Variants in MALT1 observed in about 807,000 individuals in gnomAD.
MALT1 encodes MALT1 paracaspase.
MALT1 carries 36 observed loss-of-function variants against 85.5 expected under a neutral mutation model. That is an observed-to-expected ratio of 0.42 (90% CI 0.32 to 0.56). The LOEUF is 0.56. MALT1 is among the 20% of genes least tolerant of loss of function. MALT1 has a pLI of 0.10. For synonymous variants in MALT1, 359 were observed against 361.3 expected (o/e 0.99, Z 0.07); for missense variants, 716 against 981.6 (o/e 0.73, Z 3.62).
intron 2 of MALT1, among the ~76,000 whole-genome samples, chr18:58,694,467 A>C (rs1370969278): frequency 6.6e-6 from 1 of 152,224 alleles, no homozygotes; most frequent in Non-Finnish European, 1.5e-5. Flanking sequence ...ATGAGGTCAC[A>C]TTCAGTATAG....
intron 9 of MALT1, among the ~76,000 whole-genome samples, chr18:58,722,330 A>G (rs1346704235): frequency 6.6e-6 from 1 of 152,126 alleles, no homozygotes; most frequent in African/African-American, 2.4e-5. Context: ...CTTATGAACA[A>G]AAAAACTGTT....
intron 13 of MALT1, 160 bp from the exon 14 acceptor site, chr18:58,741,705 C>A: frequency 2.3e-6 from 1 of 435,510 alleles, no homozygotes; most frequent in Non-Finnish European, 4.0e-6. Context: ...TAAAACATGC[C>A]TGATATGTCT....
intron 13 of MALT1, among the ~76,000 whole-genome samples, chr18:58,738,107 C>A (rs1276185306): frequency 6.6e-6 from 1 of 152,156 alleles, no homozygotes; most frequent in African/African-American, 2.4e-5. Flanking sequence ...TAGGACCCCT[C>A]TTCTCCCTTC....
In MALT1 at chr18:58,751,228, C is replaced by G. The variant is rs2055441849; in HGVS notation, c.*3386C>G. The G allele has an allele frequency of 6.6e-6, 1 of 152,270 alleles. No individual in the cohort carries two copies. The allele number at this position is 152,270 out of a possible 1,614,324, so 9.4% of individuals were successfully genotyped here. A position where few individuals can be genotyped will look rare whatever the true frequency, so the allele number is the denominator to read the frequency against. On this transcript the variant is annotated 3_prime_UTR_variant, in exon 17 of 17. Transcript: ENST00000649217. ...TTGGGAGGCCAATGAAGGCGGATCACTTGAGCCCAGGAGTTCAAGACCAGC... is the reference window on the plus strand; with the variant it reads ...TTGGGAGGCCAATGAAGGCGGATCAGTTGAGCCCAGGAGTTCAAGACCAGC...
intron 10 of MALT1, among the ~76,000 whole-genome samples, chr18:58,727,613 T>C (rs1314210996): frequency 6.9e-6 from 1 of 144,536 alleles, no homozygotes; most frequent in African/African-American, 2.6e-5. Context: ...AAAGGTTTTT[T>C]GTGTTTTTTT....
intron 10 of MALT1, among the ~76,000 whole-genome samples, chr18:58,730,616 C>T (rs971812786): frequency 2.0e-5 from 3 of 152,088 alleles, no homozygotes; most frequent in Non-Finnish European, 2.9e-5. Flanking sequence ...CTTGTGTGGA[C>T]GTAGTTTCCA....
intron 2 of MALT1, chr18:58,690,704 G>T (rs2054485279): frequency 1.5e-5 from 3 of 199,236 alleles, no homozygotes; most frequent in South Asian, 2.3e-4. Context: ...ACCATACAAA[G>T]ACCAGGCCTG....
At position 58,747,588 on chromosome 18, in the gene MALT1, G is replaced by A. The variant is rs1190727253; in HGVS notation, c.2221G>A (p.Ala741Thr). 2 of 1,614,150 alleles carry A rather than the reference G, an allele frequency of 1.2e-6. No individual in the cohort carries two copies. Among genetic ancestry groups the A allele is most frequent in the Non-Finnish European group, 1.7e-6 (2 of 1,180,034 alleles). The change falls in exon 17 of 17, where the codon GCA becomes ACA. Residue 741 changes from alanine (A) to threonine (T), a missense_variant. Transcript: ENST00000649217. ...LMSNGPYQSS[A>T]ATSGGAGHYH... ...GTCTAATGGTCCTTACCAGAGTTCT[G>A]CAGCCACCTCAGGAGGAGCAGGGCA...
rs1166430391 is a variant in MALT1, at chr18:58,747,783, G to C, written c.2416G>C (p.Glu806Gln). 3 of 1,614,102 alleles carry C rather than the reference G, an allele frequency of 1.9e-6. No homozygotes were observed. Among genetic ancestry groups the C allele is most frequent in the African/African-American group, 1.3e-5 (1 of 75,040 alleles). ...CHFSRSNVPV[E>Q]TTDEIPFSFS... is the part of the protein sequence containing the mutation. ...TTTTAGTAGAAGTAATGTGCCAGTAGAGACAACTGATGAAATACCATTTAG... is the reference window on the plus strand; with the variant it reads ...TTTTAGTAGAAGTAATGTGCCAGTACAGACAACTGATGAAATACCATTTAG... The change falls in exon 17 of 17, where the codon GAG (glutamate) becomes CAG (glutamine). Residue 806 changes from glutamate (E) to glutamine (Q), a missense_variant. Glu to Gln is a conservative substitution (Grantham distance 29, BLOSUM62 2). This residue lies in a region of MALT1 where 260 missense variants were observed against 323.7 expected (regional missense o/e 0.80). Transcript: ENST00000649217.
chr18:58,700,689 CAT>C, intron 4 of MALT1, 98 bp downstream of exon 4: 4 of 1,128,044 alleles, frequency 3.5e-6, no homozygotes, highest in Middle Eastern at 6.2e-4. Context: ...TATCAAAAAA[CAT>C]AGCAAAATTT....
At chr18:58,705,322 G>GTGTA (rs1555685559) in intron 4 of MALT1, among the ~76,000 whole-genome samples, 6,567 of 148,060 alleles carry the variant, frequency 0.044, 158 homozygotes, top group East Asian at 0.058. Context: ...GTGTGTGTGT[G>GTGTA]TATTTATTTT....
At chr18:58,736,561 AT>A (rs2055224134) in intron 13 of MALT1, among the ~76,000 whole-genome samples, 1 of 152,218 alleles carries the variant, frequency 6.6e-6, no homozygotes, top group Non-Finnish European at 1.5e-5. Flanking sequence ...TTTTAAGTCC[AT>A]TTTAACTATT....
chr18:58,685,673 TC>T (rs2054391145), intron 2 of MALT1, among the ~76,000 whole-genome samples: 1 of 152,346 alleles, frequency 6.6e-6, no homozygotes, highest in South Asian at 2.1e-4. Flanking sequence ...TCTGTTGCTT[TC>T]TTTCTTGTCG....
intron 1 of MALT1, among the ~76,000 whole-genome samples, chr18:58,680,815 C>T (rs562452171): frequency 3.3e-5 from 5 of 149,742 alleles, no homozygotes; most frequent in South Asian, 2.1e-4. Flanking sequence ...CCCAGCTACT[C>T]GGGAGGCTGA....
Position 58,671,618 on chromosome 18 carries a change from G to A in MALT1, c.-26G>A. The A allele has an allele frequency of 8.3e-7, 1 of 1,208,350 alleles. No homozygotes were observed. The highest frequency in any genetic ancestry group is 1.0e-6 in the Non-Finnish European group (1 of 971,986). The allele number at this position is 1,208,350 out of a possible 1,614,324, so 74.9% of individuals were successfully genotyped here. On this transcript the variant is annotated 5_prime_UTR_variant, in exon 1 of 17. Coordinates refer to ENST00000649217, the MANE Select transcript of MALT1 (RefSeq NM_006785.4). ...CGTGACGGGGCGGGCGGGAGCCCCG[G>A]CAGTCCGGGGTCGCCGGCGAGGGCC...
intron 2 of MALT1, among the ~76,000 whole-genome samples, chr18:58,686,154 G>A (rs950726054): frequency 3.9e-5 from 6 of 152,142 alleles, no homozygotes; most frequent in Non-Finnish European, 7.4e-5. Context: ...AGTCTCCTGA[G>A]TAGCTGGGAT....
chr18:58,708,417 T>TC (rs1043415851), intron 4 of MALT1, among the ~76,000 whole-genome samples: 4 of 152,206 alleles, frequency 2.6e-5, no homozygotes, highest in African/African-American at 9.6e-5. Flanking sequence ...AACCTTTCTG[T>TC]CCTAGGCAAA....
intron 10 of MALT1, 50 bp from the exon 11 acceptor site, chr18:58,733,347 A>G (rs759884908): frequency 8.3e-7 from 1 of 1,208,220 alleles, no homozygotes; most frequent in South Asian, 1.4e-5. Flanking sequence ...GTATGTTCAG[A>G]GTGCATTTAG....
intron 4 of MALT1, among the ~76,000 whole-genome samples, chr18:58,706,103 A>C (rs949908144): frequency 2.6e-5 from 4 of 152,090 alleles, no homozygotes; most frequent in Admixed American, 1.3e-4. Flanking sequence ...CTCCTGCCTC[A>C]GGCTCCCGAG....
Sources: allele counts gnomAD v4.1 joint callset (sites outside exome capture counted in the v4.1 genomes callset), GRCh38; gene constraint gnomAD v4.1.1; regional missense constraint gnomAD v4.1.1; transcripts MANE v1.5; gene names NCBI Gene and HGNC (gene_info 2026-07-23, HGNC 2026-07-21).